Variants in ROS1 observed in about 807,000 individuals in gnomAD.
ROS1 encodes the protein ROS proto-oncogene 1, receptor tyrosine kinase.
ROS1 carries 263 observed loss-of-function variants against 273.5 expected under a neutral mutation model. The observed-to-expected ratio is 0.96, with a 90% confidence interval of 0.87 to 1.06. The LOEUF (loss-of-function observed/expected upper bound fraction) is 1.06. Ranked by LOEUF, ROS1 falls within the 50% of genes least tolerant of loss-of-function variation. The pLI is 0.00. For missense variants in ROS1, 2,833 were observed against 2,751.1 expected, an observed-to-expected ratio of 1.03 and a Z score of -0.67; for synonymous variants, 1,008 against 954.1, an observed-to-expected ratio of 1.06 and a Z score of -1.04.
At chr6:117,314,608 G>A (rs768796108) in intron 39 of ROS1, among the ~76,000 whole-genome samples, 41 of 152,270 alleles carry the variant, frequency 2.7e-4, no homozygotes, top group Non-Finnish European at 4.9e-4. Flanking sequence ...CAAGTTCAGA[G>A]ATACTACCAG....
chr6:117,343,274 G>T (rs1038513662), intron 28 of ROS1, among the ~76,000 whole-genome samples: 8 of 152,116 alleles, frequency 5.3e-5, no homozygotes, highest in Non-Finnish European at 2.9e-5. Context: ...TGTAAAAAGG[G>T]TTAATTAGAC....
intron 27 of ROS1, among the ~76,000 whole-genome samples, chr6:117,348,857 A>G (rs1582696725): frequency 6.6e-6 from 1 of 152,138 alleles, no homozygotes; most frequent in East Asian, 1.9e-4. Context: ...ATTTAGAAAT[A>G]CGTTGTTTAA....
chr6:117,313,150 C>T (rs1775669701), intron 39 of ROS1, among the ~76,000 whole-genome samples: 1 of 152,124 alleles, frequency 6.6e-6, no homozygotes, highest in Non-Finnish European at 1.5e-5. Flanking sequence ...AGCAAACACC[C>T]AGGAAAAATT....
chr6:117,422,902 C>T (rs550515175), intron 1 of ROS1, among the ~76,000 whole-genome samples: 31 of 151,746 alleles, frequency 2.0e-4, no homozygotes, highest in African/African-American at 7.3e-4. Flanking sequence ...ACATAGATAC[C>T]TAGGAAAATT....
At position 117,366,289 on chromosome 6, in the gene ROS1, T is replaced by C. The variant is rs1358315577; in HGVS notation, c.2584A>G (p.Thr862Ala). 6.2e-7 allele frequency: 1 copy of C among 1,613,260 alleles called. No individual in the cohort carries two copies. The highest frequency in any genetic ancestry group is 1.1e-5 in the South Asian group (1 of 91,068). ...AATTCTGTGATGGTGGTATCCCCAG[T>C]GCTGCTAAAACATAACACCAATTAG... ...LYTAVLRGQS[T>A]GDTTITEFAA... The change falls in exon 19 of 44, where the codon ACT becomes GCT. Residue 862 changes from threonine (T) to alanine (A), a missense_variant and splice_region_variant. Physicochemically the swap from Thr to Ala is moderately conservative, Grantham distance 58. Transcript: ENST00000368507.
intron 33 of ROS1, chr6:117,328,711 A>G (rs1244192911): frequency 1.5e-5 from 9 of 611,986 alleles, no homozygotes; most frequent in Non-Finnish European, 2.9e-5. Flanking sequence ...TTGGCATGAA[A>G]TCAGTCCTTC....
intron 14 of ROS1, 31 bp from the exon 15 acceptor site, chr6:117,387,030 A>C: frequency 7.6e-7 from 1 of 1,310,078 alleles, no homozygotes; most frequent in Non-Finnish European, 1.1e-6. Context: ...TAAAAGAAAC[A>C]TCAGGGAAAG....
intron 43 of ROS1, among the ~76,000 whole-genome samples, chr6:117,297,470 A>G (rs1774332225): frequency 6.6e-6 from 1 of 152,178 alleles, no homozygotes; most frequent in Non-Finnish European, 1.5e-5. Flanking sequence ...GTATTCACTC[A>G]ACAGGGGTCT....
At chr6:117,417,945 T>C (rs1230901002) in intron 2 of ROS1, among the ~76,000 whole-genome samples, 6 of 152,218 alleles carry the variant, frequency 3.9e-5, no homozygotes, top group Non-Finnish European at 8.8e-5. Flanking sequence ...CATAATTTTA[T>C]GCATATGTCT....
chr6:117,365,709 C>G lies in ROS1; in HGVS notation c.2830G>C (p.Asp944His), dbSNP rs2128661083. 6.2e-7 allele frequency: 1 copy of G among 1,601,584 alleles called. No homozygotes were observed. Among genetic ancestry groups the G allele is most frequent in the Non-Finnish European group, 8.5e-7 (1 of 1,175,694 alleles). The stretch of plus-strand genomic sequence containing the variant: ...CTAAATGAAGACTCTTGAACAGAAT[C>G]TGGAATAACCTTAGGGGTAAAGGAA... ...NFSFTPKVIP[D>H]SVQESSFRIE... The change falls in exon 20 of 44, where the codon GAT becomes CAT. Residue 944 changes from aspartate (D) to histidine (H), a missense_variant. By Grantham distance (81) the Asp-to-His change is moderately conservative (BLOSUM62 -1). Transcript: ENST00000368507.
At chr6:117,374,043 A>G (rs1781107475) in intron 18 of ROS1, among the ~76,000 whole-genome samples, 1 of 152,266 alleles carries the variant, frequency 6.6e-6, no homozygotes, top group South Asian at 2.1e-4. Flanking sequence ...TAGAATCACT[A>G]TTGTGAAAAT....
intron 4 of ROS1, among the ~76,000 whole-genome samples, chr6:117,413,855 C>T (rs1427998228): frequency 2.0e-5 from 3 of 152,218 alleles, no homozygotes; most frequent in Admixed American, 1.3e-4. Flanking sequence ...GTGGCACATG[C>T]CTGTAGCCCC....
intron 38 of ROS1, 119 bp downstream of exon 38, chr6:117,318,069 G>A (rs993218970): frequency 3.8e-5 from 28 of 738,168 alleles, no homozygotes; most frequent in Middle Eastern, 2.4e-4. Context: ...CCATTTAAAC[G>A]TTTCAACCAT....
At chr6:117,420,388 A>G (rs894775278) in intron 1 of ROS1, among the ~76,000 whole-genome samples, 3 of 141,236 alleles carry the variant, frequency 2.1e-5, no homozygotes. Context: ...CACCTCAGGC[A>G]GAACTAATCT....
chr6:117,379,026 CTCAA>C (rs768166409), intron 18 of ROS1, 29 bp downstream of exon 18: 24 of 1,271,326 alleles, frequency 1.9e-5, no homozygotes, highest in Admixed American at 4.2e-5. Context: ...AAGTTTTCTT[CTCAA>C]TCAATTGCCT....
chr6:117,290,088 T>C (rs1316536478), intron 43 of ROS1, among the ~76,000 whole-genome samples: 4 of 152,214 alleles, frequency 2.6e-5, no homozygotes, highest in Admixed American at 6.5e-5. Context: ...ATCTACAATA[T>C]AGTCTACCCA....
chr6:117,424,433 A>T (rs879340422), intron 1 of ROS1, among the ~76,000 whole-genome samples: 1 of 151,874 alleles, frequency 6.6e-6, no homozygotes, highest in African/African-American at 2.4e-5. Flanking sequence ...TATTTTATTT[A>T]AAATGTATAC....
In ROS1 at chr6:117,344,255, C is replaced by T. The variant is rs764631946; in HGVS notation, c.4311G>A (p.Ala1437=). ...SSVMQPFPDK[A]FLSLASDTVE... ...CAGTGTCTGAAGCTAGAGACAGAAA[C>T]GCTTTATCTAAAATAAGAAGAAACC... The change falls in exon 28 of 44, where the codon GCG becomes GCA. Residue 1437 remains alanine (A), a synonymous_variant. Coordinates refer to ENST00000368507, the MANE Select transcript of ROS1 (RefSeq NM_001378902.1). 24 of 1,612,018 alleles carry T rather than the reference C, an allele frequency of 1.5e-5. No homozygotes were observed. The highest frequency in any genetic ancestry group is 1.1e-4 in the African/African-American group (8 of 74,758).
At chr6:117,324,764 G>T (rs544637542) in intron 34 of ROS1, among the ~76,000 whole-genome samples, 1 of 152,012 alleles carries the variant, frequency 6.6e-6, no homozygotes, top group African/African-American at 2.4e-5. Context: ...TTATTATTTT[G>T]TATAATATCT....
Sources: gnomAD v4.1 joint callset for allele counts (sites outside exome capture counted in the v4.1 genomes callset) on GRCh38, gnomAD v4.1.1 for gene constraint, MANE v1.5 for transcripts, NCBI Gene and HGNC (gene_info 2026-07-23, HGNC 2026-07-21) for gene names.